MGAT4C: variants seen among roughly 807,000 people sequenced by gnomAD.
The protein encoded by MGAT4C is MGAT4 family member C.
A neutral mutation model predicts 40.1 loss-of-function variants in MGAT4C; 19 were observed. That is an observed-to-expected ratio of 0.47 (90% CI 0.33 to 0.70). The LOEUF (loss-of-function observed/expected upper bound fraction) is 0.70. Among genes scored for constraint, MGAT4C ranks in the 30% least tolerant of loss-of-function variants. The pLI, the probability that MGAT4C is intolerant of heterozygous loss-of-function variation, is 0.02. For missense variants in MGAT4C, 491 were observed against 563.2 expected (o/e 0.87, Z 1.30); for synonymous variants, 181 against 187.1 (o/e 0.97, Z 0.27).
chr12:86,824,431 T>C (rs1015467000), intron 1 of MGAT4C, among the ~76,000 whole-genome samples: 3 of 151,474 alleles, frequency 2.0e-5, no homozygotes, highest in Non-Finnish European at 4.4e-5. Flanking sequence ...AAATTTGTAC[T>C]AGTTTTCTTA....
intron 2 of MGAT4C, among the ~76,000 whole-genome samples, chr12:86,635,359 G>A (rs1963187118): frequency 6.6e-6 from 1 of 152,064 alleles, no homozygotes; most frequent in African/African-American, 2.4e-5. Context: ...ATAAATTCCA[G>A]CTGATGTTGG....
At chr12:86,697,736 T>C (rs1950282600) in intron 2 of MGAT4C, among the ~76,000 whole-genome samples, 1 of 152,132 alleles carries the variant, frequency 6.6e-6, no homozygotes, top group Non-Finnish European at 1.5e-5. Flanking sequence ...AATAATGATG[T>C]TGATAAAGCT....
At chr12:86,357,832 A>G (rs61950752) in intron 3 of MGAT4C, among the ~76,000 whole-genome samples, 12,915 of 152,290 alleles carry the variant, frequency 0.085, 762 homozygotes, top group Middle Eastern at 0.22. Flanking sequence ...GACTATGTGA[A>G]AAGACCAAAT....
intron 1 of MGAT4C, among the ~76,000 whole-genome samples, chr12:86,144,994 AT>A (rs1359099725): frequency 6.6e-6 from 1 of 152,158 alleles, no homozygotes; most frequent in East Asian, 1.9e-4. Flanking sequence ...AACAAAAAAA[AT>A]ATTAAAGACT....
chr12:86,364,200 T>G (rs754865610), intron 3 of MGAT4C, among the ~76,000 whole-genome samples: 14 of 152,016 alleles, frequency 9.2e-5, no homozygotes, highest in Non-Finnish European at 1.6e-4. Flanking sequence ...GAAACATTTG[T>G]CAGTTTATTC....
intron 1 of MGAT4C, among the ~76,000 whole-genome samples, chr12:86,819,449 T>C (rs1313752505): frequency 1.3e-5 from 2 of 150,936 alleles, no homozygotes; most frequent in Non-Finnish European, 3.0e-5. Context: ...ATTTATTCTT[T>C]CTCTAGAAAC....
chr12:86,423,535 G>A (rs138200975), intron 3 of MGAT4C, among the ~76,000 whole-genome samples: 2 of 152,176 alleles, frequency 1.3e-5, no homozygotes, highest in African/African-American at 2.4e-5. Flanking sequence ...GTGTGCAAAT[G>A]TATGCATGTA....
At chr12:86,781,947 G>T (rs1284358313) in intron 1 of MGAT4C, among the ~76,000 whole-genome samples, 4 of 151,038 alleles carry the variant, frequency 2.6e-5, no homozygotes, top group Admixed American at 1.3e-4. Context: ...ACTTAATTTT[G>T]AAAAAAACTC....
At chr12:86,370,154 T>C (rs1052854591) in intron 3 of MGAT4C, among the ~76,000 whole-genome samples, 6 of 152,018 alleles carry the variant, frequency 3.9e-5, no homozygotes, top group Admixed American at 3.9e-4. Flanking sequence ...ACCAACTTTG[T>C]AACATTTACC....
chr12:86,273,946 A>C (rs1158896819), intron 4 of MGAT4C, among the ~76,000 whole-genome samples: 1 of 152,210 alleles, frequency 6.6e-6, no homozygotes, highest in African/African-American at 2.4e-5. Context: ...TGTAATTTAT[A>C]AAGAAAAGAG....
chr12:86,772,853 CA>C (rs1337824266), intron 1 of MGAT4C, among the ~76,000 whole-genome samples: 3 of 152,178 alleles, frequency 2.0e-5, no homozygotes, highest in Non-Finnish European at 4.4e-5. Flanking sequence ...CACAAGTTCA[CA>C]GCTGGAGAGT....
chr12:86,317,436 A>C (rs1954268993), intron 4 of MGAT4C, among the ~76,000 whole-genome samples: 1 of 152,290 alleles, frequency 6.6e-6, no homozygotes, highest in East Asian at 1.9e-4. Context: ...GTATTCTCTA[A>C]AAACTGATAA....
chr12:86,765,623 C>T (rs1178258252), intron 1 of MGAT4C, among the ~76,000 whole-genome samples: 3 of 152,248 alleles, frequency 2.0e-5, no homozygotes, highest in Non-Finnish European at 4.4e-5. Context: ...AGAGAAAGGT[C>T]GGGTTACCCA....
At chr12:86,497,905 T>TATAC (rs1958268453) in intron 2 of MGAT4C, among the ~76,000 whole-genome samples, 1 of 143,192 alleles carries the variant, frequency 7.0e-6, no homozygotes. Flanking sequence ...TATATATATA[T>TATAC]ATATATATAT....
intron 2 of MGAT4C, among the ~76,000 whole-genome samples, chr12:86,446,700 T>C (rs1165919005): frequency 4.9e-4 from 64 of 129,802 alleles, no homozygotes; most frequent in African/African-American, 1.8e-3. Context: ...TATATATATA[T>C]ATATGGATGT....
intron 4 of MGAT4C, among the ~76,000 whole-genome samples, chr12:86,278,241 T>C (rs1051376228): frequency 6.7e-6 from 1 of 150,182 alleles, no homozygotes; most frequent in Non-Finnish European, 1.5e-5. Flanking sequence ...GTTCATGACA[T>C]GGTCTTGGCT....
At chr12:85,999,454 A>C (rs1044842775) in intron 2 of MGAT4C, among the ~76,000 whole-genome samples, 1 of 152,188 alleles carries the variant, frequency 6.6e-6, no homozygotes, top group Non-Finnish European at 1.5e-5. Flanking sequence ...AGGAAGACAA[A>C]TAAATATGTT....
intron 1 of MGAT4C, among the ~76,000 whole-genome samples, chr12:86,101,461 T>G (rs561933529): frequency 2.6e-5 from 4 of 151,478 alleles, no homozygotes; most frequent in Admixed American, 1.3e-4. Flanking sequence ...GATGAGGGAG[T>G]TGAGATAGTA....
chr12:86,590,303 A>T (rs539696971), intron 2 of MGAT4C, among the ~76,000 whole-genome samples: 1 of 151,630 alleles, frequency 6.6e-6, no homozygotes, highest in East Asian at 2.0e-4. Flanking sequence ...ATTATTAGGC[A>T]TGAGACTTAG....
Sources: gnomAD v4.1 joint callset for allele counts (sites outside exome capture counted in the v4.1 genomes callset) on GRCh38, gnomAD v4.1.1 for gene constraint, MANE v1.5 for transcripts, NCBI Gene and HGNC (gene_info 2026-07-23, HGNC 2026-07-21) for gene names.